The following TMEM266 variants were observed in gnomAD, a reference collection of about 807,000 sequenced individuals.
The protein encoded by TMEM266 is transmembrane protein 266.
In TMEM266, 33 loss-of-function variants were observed where a neutral mutation model predicts 50.5. The observed-to-expected ratio is 0.65, with a 90% CI of 0.50 to 0.87. The LOEUF (loss-of-function observed/expected upper bound fraction) is 0.87. Ranked by LOEUF, TMEM266 falls within the 40% of genes least tolerant of loss-of-function variation. The pLI is 0.00. For synonymous variants in TMEM266, 310 were observed against 292.3 expected (o/e 1.06, Z -0.62); for missense variants, 655 against 695.1 (o/e 0.94, Z 0.65).
At chr15:76,190,163 G>C (rs1596165973) in intron 8 of TMEM266, among the ~76,000 whole-genome samples, 2 of 152,360 alleles carry the variant, frequency 1.3e-5, no homozygotes, top group East Asian at 3.9e-4. Context: ...CTGGGGGGCT[G>C]CCCTAGGTGG....
chr15:76,169,921 G>A (rs1380055851), intron 6 of TMEM266, 49 bp downstream of exon 6: 2 of 1,578,030 alleles, frequency 1.3e-6, no homozygotes, highest in East Asian at 2.2e-5. Context: ...CATCCTGGAA[G>A]CTGGAAAACG....
chr15:76,114,638 A>T (rs2037220698), intron 1 of TMEM266, among the ~76,000 whole-genome samples: 1 of 152,256 alleles, frequency 6.6e-6, no homozygotes, highest in African/African-American at 2.4e-5. Context: ...TGTATAGTGG[A>T]CATCTTTCCT....
chr15:76,195,280 A>G (rs929446086), intron 9 of TMEM266, among the ~76,000 whole-genome samples: 5 of 152,134 alleles, frequency 3.3e-5, no homozygotes, highest in Admixed American at 6.5e-5. Flanking sequence ...TCAGGTCTCC[A>G]TAGAGTTTGT....
intron 8 of TMEM266, among the ~76,000 whole-genome samples, chr15:76,186,245 C>T (rs548579006): frequency 7.9e-5 from 12 of 152,310 alleles, no homozygotes; most frequent in East Asian, 5.8e-4. Flanking sequence ...TTCCCACCTC[C>T]GGGCCTCAGT....
At chr15:76,184,589 GCAGA>G (rs1596161988) in intron 8 of TMEM266, among the ~76,000 whole-genome samples, 1 of 152,362 alleles carries the variant, frequency 6.6e-6, no homozygotes, top group East Asian at 1.9e-4. Context: ...ATAGGATGGA[GCAGA>G]ATTACTGCTA....
At chr15:76,142,449 C>T (rs141766547) in intron 3 of TMEM266, among the ~76,000 whole-genome samples, 22 of 152,258 alleles carry the variant, frequency 1.4e-4, no homozygotes, top group South Asian at 4.1e-4. Context: ...TATCCAAAAG[C>T]GGGAATTGCT....
Position 76,086,903 on chromosome 15 carries a change from T to A in TMEM266, c.-97+26887T>A, listed in dbSNP as rs1217050333. Among the ~76,000 whole-genome samples, 2 of 139,418 alleles carry A rather than the reference T, an allele frequency of 1.4e-5. 1 individual carries two copies. Among genetic ancestry groups the A allele is most frequent in the Non-Finnish European group, 3.1e-5 (2 of 65,472 alleles). 91.5% of individuals were successfully genotyped at this position (139,418 alleles called of 152,430 possible). ...TCAGAGGTACTTCCAATTTTTCATC[T>A]GCCATGCAGAAAAAGGGAGCAGGTC... On this transcript the variant is annotated intron_variant, in intron 1 of 10. Transcript: ENST00000388942.
intron 1 of TMEM266, 52 bp from the exon 2 acceptor site, chr15:76,134,116 G>C (rs2037554397): frequency 1.3e-6 from 1 of 741,732 alleles, no homozygotes; most frequent in South Asian, 1.8e-5. Flanking sequence ...ATGAGCTTAG[G>C]AGGACTTTGG....
At chr15:76,105,237 C>T (rs2037062947) in intron 1 of TMEM266, among the ~76,000 whole-genome samples, 1 of 151,988 alleles carries the variant, frequency 6.6e-6, no homozygotes, top group South Asian at 2.1e-4. Context: ...CACAGCGAGA[C>T]TCCATCTCAA....
At chr15:76,117,447 G>T (rs2037268797) in intron 1 of TMEM266, among the ~76,000 whole-genome samples, 1 of 152,032 alleles carries the variant, frequency 6.6e-6, no homozygotes. Flanking sequence ...GACTGGCCCA[G>T]TTTTACAGCT....
intron 1 of TMEM266, among the ~76,000 whole-genome samples, chr15:76,070,250 C>T (rs1159241051): frequency 6.6e-6 from 1 of 152,180 alleles, no homozygotes; most frequent in Non-Finnish European, 1.5e-5. Context: ...GGCATTTCAT[C>T]TGTGTTCCAG....
chr15:76,179,393 A>G (rs2038358671), intron 8 of TMEM266, among the ~76,000 whole-genome samples: 1 of 152,180 alleles, frequency 6.6e-6, no homozygotes, highest in Non-Finnish European at 1.5e-5. Flanking sequence ...CCACACACCC[A>G]TTTTACAAAT....
rs189080698 is a variant in TMEM266, at chr15:76,185,230, C to T, written c.769-6738C>T. ...ATTGCACCTGTCTCATTCGTCTCCT[C>T]TTGGAGCTCCAGTTGTACCTGAGGC... is the stretch of plus-strand genomic sequence containing the variant. On this transcript the variant is annotated intron_variant, in intron 8 of 10. Transcript: ENST00000388942. Among the ~76,000 whole-genome samples the T allele has an allele frequency of 3.3e-4, 50 of 152,308 alleles. 1 individual carries two copies. In the South Asian group the frequency reaches 5.0e-3, roughly 15 times the overall value.
chr15:76,092,564 C>G (rs960443951), intron 1 of TMEM266, among the ~76,000 whole-genome samples: 3 of 151,766 alleles, frequency 2.0e-5, no homozygotes, highest in African/African-American at 7.3e-5. Context: ...GTGGTAGGTG[C>G]CTGTAATCCC....
intron 8 of TMEM266, among the ~76,000 whole-genome samples, chr15:76,189,674 C>T (rs900164866): frequency 6.6e-6 from 1 of 152,092 alleles, no homozygotes; most frequent in Non-Finnish European, 1.5e-5. Flanking sequence ...CCCAAGACAC[C>T]CTCCCAAATC....
At chr15:76,108,192 C>T (rs1481954755) in intron 1 of TMEM266, among the ~76,000 whole-genome samples, 4 of 152,228 alleles carry the variant, frequency 2.6e-5, no homozygotes, top group African/African-American at 9.6e-5. Flanking sequence ...GGCAGGAGGG[C>T]AGCACGAATC....
chr15:76,182,854 A>G (rs1308680784), intron 8 of TMEM266, among the ~76,000 whole-genome samples: 2 of 152,130 alleles, frequency 1.3e-5, no homozygotes, highest in Non-Finnish European at 2.9e-5. Flanking sequence ...TGGAGGGACT[A>G]GGAAAGAAAC....
chr15:76,149,638 C>T (rs1306867796), intron 3 of TMEM266, among the ~76,000 whole-genome samples: 1 of 152,162 alleles, frequency 6.6e-6, no homozygotes, highest in Non-Finnish European at 1.5e-5. Flanking sequence ...TAAGGCTCAA[C>T]GATTGCACTC....
At chr15:76,120,610 A>G (rs2037325498) in intron 1 of TMEM266, among the ~76,000 whole-genome samples, 1 of 151,820 alleles carries the variant, frequency 6.6e-6, no homozygotes, top group Non-Finnish European at 1.5e-5. Flanking sequence ...AAAATACAAA[A>G]ATTATCTGGG....
Sources: allele counts gnomAD v4.1 joint callset (sites outside exome capture counted in the v4.1 genomes callset), GRCh38; gene constraint gnomAD v4.1.1; transcripts MANE v1.5; gene names NCBI Gene and HGNC (gene_info 2026-07-23, HGNC 2026-07-21).